ZMIZ1: variants seen among roughly 807,000 people sequenced by gnomAD.
The protein encoded by ZMIZ1 is zinc finger MIZ domain-containing protein 1.
Under a neutral mutation model 113.9 loss-of-function variants are expected in ZMIZ1, and 17 were observed. The observed-to-expected ratio is 0.15, with a 90% confidence interval of 0.10 to 0.22. The LOEUF (loss-of-function observed/expected upper bound fraction) is 0.22, where lower values mean the gene tolerates loss of function less well. ZMIZ1 is among the 10% of genes least tolerant of loss of function. ZMIZ1 has a pLI of 1.00. For synonymous variants in ZMIZ1, 607 were observed against 603.1 expected, an observed-to-expected ratio of 1.01 and a Z score of -0.09; for missense variants, 1,059 against 1,477.8, an observed-to-expected ratio of 0.72 and a Z score of 4.65.
chr10:79,080,060 C>T (rs1589248677), intron 1 of ZMIZ1, among the ~76,000 whole-genome samples: 1 of 152,180 alleles, frequency 6.6e-6, no homozygotes, highest in African/African-American at 2.4e-5. Flanking sequence ...CAGCCTGGGG[C>T]CTCCAGAGAG....
chr10:79,264,618 T>G (rs760388175), intron 7 of ZMIZ1, among the ~76,000 whole-genome samples: 2 of 152,172 alleles, frequency 1.3e-5, no homozygotes, highest in Non-Finnish European at 2.9e-5. Flanking sequence ...TACTCAGGTG[T>G]GCACTGAGGC....
intron 1 of ZMIZ1, among the ~76,000 whole-genome samples, chr10:79,082,422 TG>T (rs918436645): frequency 6.6e-6 from 1 of 152,204 alleles, no homozygotes; most frequent in Admixed American, 6.5e-5. Context: ...GCCTAGACCA[TG>T]GCTTGAATTT....
chr10:79,222,604 G>T (rs371016582), intron 7 of ZMIZ1, among the ~76,000 whole-genome samples: 1 of 152,190 alleles, frequency 6.6e-6, no homozygotes, highest in African/African-American at 2.4e-5. Context: ...GATCACAAGA[G>T]GGGGGCTGAG....
At chr10:79,278,977 G>C (rs1041142612) in intron 8 of ZMIZ1, among the ~76,000 whole-genome samples, 3 of 152,204 alleles carry the variant, frequency 2.0e-5, no homozygotes, top group African/African-American at 4.8e-5. Flanking sequence ...GGGTGGTGGC[G>C]GGGCAGAGGG....
intron 2 of ZMIZ1, among the ~76,000 whole-genome samples, chr10:79,129,750 A>G (rs1844669526): frequency 6.6e-6 from 1 of 152,188 alleles, no homozygotes; most frequent in Non-Finnish European, 1.5e-5. Context: ...TCTTCCTTGA[A>G]AGAGGGAGGG....
rs114726940 is a variant in ZMIZ1 at position 79,197,420 on chromosome 10, G to C, written c.-49-4164G>C. ...GTCTTGCTCCTGCTCTGGGCTCTCT[G>C]TGTCCTTGTCTTCCACACCATGGTT... On this transcript the variant is annotated intron_variant, in intron 4 of 24. Coordinates refer to ENST00000334512, the MANE Select transcript of ZMIZ1 (RefSeq NM_020338.4). Among the ~76,000 whole-genome samples, 685 of 152,278 alleles carry C rather than the reference G, an allele frequency of 4.5e-3. 4 individuals carry two copies. Among genetic ancestry groups the C allele is most frequent in the African/African-American group, 0.016 (657 of 41,548 alleles).
Position 79,215,867 on chromosome 10 carries a change from G to A in ZMIZ1, c.175-302G>A, listed in dbSNP as rs1441162063. On this transcript the variant is annotated intron_variant, in intron 6 of 24. Coordinates refer to ENST00000334512, the MANE Select transcript of ZMIZ1 (RefSeq NM_020338.4). Reference sequence around the variant, plus strand: ...GGATGGTGGTACAGGATCCCCAGCCGACTTCTAAAATGTGGTCGAATCTGA... The same window carrying A: ...GGATGGTGGTACAGGATCCCCAGCCAACTTCTAAAATGTGGTCGAATCTGA... Among the ~76,000 whole-genome samples the A allele has an allele frequency of 3.3e-5, 5 of 152,086 alleles. No individual in the cohort carries two copies. In the East Asian group the frequency reaches 7.7e-4, roughly 24 times the overall value.
In ZMIZ1 at chr10:79,296,523, C is replaced by T; in HGVS notation, c.1283C>T (p.Pro428Leu). The T allele has an allele frequency of 6.2e-7, 1 of 1,614,070 alleles. No homozygotes were observed. Among genetic ancestry groups the T allele is most frequent in the South Asian group, 1.1e-5 (1 of 91,090 alleles). Reference protein sequence around the residue: ...YGPNSQFPTQPGQYPAPNPPR... With the variant: ...YGPNSQFPTQLGQYPAPNPPR... ...CCAAACAGCCAGTTCCCCACCCAGC[C>T]AGGCCAGTACCCAGCCCCCAACCCC... is the stretch of plus-strand genomic sequence containing the variant. Residue 428 changes from proline (P) to leucine (L), a missense_variant, in exon 13 of 25, where the codon CCA (proline) becomes CTA (leucine). Physicochemically the swap from Pro to Leu is moderately conservative, Grantham distance 98. Coordinates refer to ENST00000334512, the MANE Select transcript of ZMIZ1 (RefSeq NM_020338.4). This position sits in a 1 kb window ranked among gnomAD's most constrained non-coding sequence, Gnocchi z 4.1.
chr10:79,297,784 A>C (rs991170253), intron 14 of ZMIZ1, 94 bp downstream of exon 14: 2 of 1,135,452 alleles, frequency 1.8e-6, no homozygotes, highest in African/African-American at 3.1e-5. Flanking sequence ...CTGGACATTC[A>C]AAGGGGCCCA....
rs148311198 is a variant in ZMIZ1, at chr10:79,130,152, G to A, written c.-226-9530G>A. ...GTGACCCTCTCAGCATCTCACCCCT[G>A]CTGGGGACCATCTTCCTGCTTCTGA... On this transcript the variant is annotated intron_variant, in intron 2 of 24. Transcript: ENST00000334512. Among the ~76,000 whole-genome samples, 297 of 152,304 alleles carry A rather than the reference G, an allele frequency of 2.0e-3. 1 individual carries two copies. Among genetic ancestry groups the A allele is most frequent in the African/African-American group, 6.9e-3 (288 of 41,582 alleles).
intron 1 of ZMIZ1, among the ~76,000 whole-genome samples, chr10:79,109,941 G>A (rs1453720263): frequency 1.3e-5 from 2 of 152,266 alleles, no homozygotes; most frequent in African/African-American, 4.8e-5. Flanking sequence ...CTCACCAGTG[G>A]TCTCATGGAG....
intron 7 of ZMIZ1, among the ~76,000 whole-genome samples, chr10:79,238,175 C>T (rs766577502): frequency 1.1e-4 from 16 of 152,304 alleles, no homozygotes; most frequent in Non-Finnish European, 2.1e-4. Context: ...CTCTCTTCTC[C>T]TCTAGCCTGG....
chr10:79,159,978 C>A (rs745929129), intron 3 of ZMIZ1, among the ~76,000 whole-genome samples: 3 of 152,252 alleles, frequency 2.0e-5, no homozygotes, highest in Non-Finnish European at 4.4e-5. Context: ...CCGATGCTCA[C>A]TGGGGAGCGA....
chr10:79,140,677 C>G (rs902101778), intron 3 of ZMIZ1, among the ~76,000 whole-genome samples: 8 of 152,168 alleles, frequency 5.3e-5, no homozygotes, highest in African/African-American at 1.9e-4. Flanking sequence ...ACTACTTACC[C>G]ACCCATTCCC....
rs114939330 is a variant in ZMIZ1, at chr10:79,313,859, C to T, written c.*1110C>T. On this transcript the variant is annotated 3_prime_UTR_variant, in exon 25 of 25. Coordinates refer to ENST00000334512, the MANE Select transcript of ZMIZ1 (RefSeq NM_020338.4). Reference sequence around the variant, plus strand: ...TCTTTGTCCAATCAGATGGCAAGGGCAGTGCGTGGAAAGGCCGGGGAGGTG... The same window carrying T: ...TCTTTGTCCAATCAGATGGCAAGGGTAGTGCGTGGAAAGGCCGGGGAGGTG... 10,391 of 361,684 alleles carry T rather than the reference C, an allele frequency of 0.029. 293 individuals are homozygous for T. The highest frequency in any genetic ancestry group is 0.076 in the Admixed American group (2,127 of 27,940). The allele number at this position is 361,684 out of a possible 1,614,324, so 22.4% of individuals were successfully genotyped here. A position where few individuals can be genotyped will look rare whatever the true frequency, so the allele number is the denominator to read the frequency against.
intron 1 of ZMIZ1, among the ~76,000 whole-genome samples, chr10:79,094,016 T>C (rs1042023909): frequency 6.6e-6 from 1 of 152,242 alleles, no homozygotes; most frequent in African/African-American, 2.4e-5. Context: ...GGTGGATTTA[T>C]AAATAAACAG....
At chr10:79,280,737 A>G (rs1852680065) in intron 8 of ZMIZ1, among the ~76,000 whole-genome samples, 1 of 127,152 alleles carries the variant, frequency 7.9e-6, no homozygotes, top group South Asian at 2.6e-4. Flanking sequence ...TCACAATAAA[A>G]GTACCCTCCC....
intron 17 of ZMIZ1, among the ~76,000 whole-genome samples, 178 bp downstream of exon 17, chr10:79,301,120 C>A (rs190704522): frequency 1.8e-4 from 27 of 152,278 alleles, no homozygotes; most frequent in African/African-American, 6.3e-4. Flanking sequence ...TGTGCAATAA[C>A]CTTCAAACCG....
At chr10:79,101,888 A>C (rs1259260003) in intron 1 of ZMIZ1, among the ~76,000 whole-genome samples, 1 of 152,168 alleles carries the variant, frequency 6.6e-6, no homozygotes, top group East Asian at 1.9e-4. Flanking sequence ...GCTGTCAATT[A>C]CCATCAGCTG....
Sources: gnomAD v4.1 joint callset for allele counts (sites outside exome capture counted in the v4.1 genomes callset) on GRCh38, gnomAD v4.1.1 for gene constraint, Gnocchi (gnomAD v3.1) non-coding constraint, MANE v1.5 for transcripts, NCBI Gene and HGNC (gene_info 2026-07-23, HGNC 2026-07-21) for gene names.